TIMD4: variants seen among roughly 807,000 people sequenced by gnomAD.
TIMD4 encodes T cell immunoglobulin and mucin domain containing 4.
A neutral mutation model predicts 41.2 loss-of-function variants in TIMD4; 31 were observed. The ratio of observed to expected loss-of-function variants is 0.75; its 90% CI spans 0.57 to 1.01. TIMD4 has a LOEUF of 1.01. Among genes scored for constraint, TIMD4 ranks in the 50% least tolerant of loss-of-function variants. TIMD4 has a pLI of 0.00. For synonymous variants in TIMD4, 204 were observed against 177.1 expected, an observed-to-expected ratio of 1.15 and a Z score of -1.21; for missense variants, 479 against 472.5, an observed-to-expected ratio of 1.01 and a Z score of -0.13.
intron 5 of TIMD4, among the ~76,000 whole-genome samples, chr5:156,933,837 G>A (rs1759490432): frequency 6.6e-6 from 1 of 152,168 alleles, no homozygotes; most frequent in South Asian, 2.1e-4. Flanking sequence ...TGGGATTATA[G>A]GTGTGAGCCA....
chr5:156,949,133 T>C lies in TIMD4; in HGVS notation c.760+518A>G, dbSNP rs572280813. ...ATGCCAATCGTGTCTTATTTCAGGGTATACCCCGTCCCAGGCCCCAGTAAC... is the reference window on the plus strand; with the variant it reads ...ATGCCAATCGTGTCTTATTTCAGGGCATACCCCGTCCCAGGCCCCAGTAAC... On this transcript the variant is annotated intron_variant, in intron 4 of 8. Coordinates refer to ENST00000274532, the MANE Select transcript of TIMD4 (RefSeq NM_138379.3). Among the ~76,000 whole-genome samples the C allele has an allele frequency of 1.0e-3, 157 of 152,296 alleles. 1 individual carries two copies. The highest frequency in any genetic ancestry group is 3.7e-3 in the African/African-American group (152 of 41,556).
At chr5:156,932,622 G>A (rs1759462610) in intron 5 of TIMD4, among the ~76,000 whole-genome samples, 1 of 152,180 alleles carries the variant, frequency 6.6e-6, no homozygotes, top group Admixed American at 6.5e-5. Flanking sequence ...TGATCATTGG[G>A]GGACACTGGA....
chr5:156,931,847 G>T (rs1184287123), intron 5 of TIMD4, among the ~76,000 whole-genome samples: 1 of 147,504 alleles, frequency 6.8e-6, no homozygotes, highest in South Asian at 2.2e-4. Context: ...CCTTGGCTAA[G>T]ATACTTTCCT....
At chr5:156,957,813 G>A (rs1432724626) in intron 1 of TIMD4, among the ~76,000 whole-genome samples, 3 of 152,156 alleles carry the variant, frequency 2.0e-5, no homozygotes, top group Admixed American at 1.3e-4. Flanking sequence ...GGGCAACAAA[G>A]CAAGACTGCC....
At chr5:156,939,755 T>C (rs1759605475) in intron 5 of TIMD4, among the ~76,000 whole-genome samples, 1 of 152,224 alleles carries the variant, frequency 6.6e-6, no homozygotes, top group Non-Finnish European at 1.5e-5. Context: ...GACTCCTAAT[T>C]GCTAAATGGC....
At chr5:156,930,332 A>G (rs77350095) in intron 5 of TIMD4, among the ~76,000 whole-genome samples, 1 of 152,220 alleles carries the variant, frequency 6.6e-6, no homozygotes, top group South Asian at 2.1e-4. Context: ...AGTGAAAAAA[A>G]TGAGGCCCAT....
chr5:156,959,767 T>C lies in TIMD4; in HGVS notation c.58+3374A>G, dbSNP rs370291101. Among the ~76,000 whole-genome samples the C allele has an allele frequency of 1.4e-4, 22 of 152,314 alleles. No individual in the cohort carries two copies. In the East Asian group the frequency reaches 2.9e-3, roughly 20 times the overall value. The stretch of plus-strand genomic sequence containing the variant: ...AGAAAAGGCACATATAGGCCGGGTG[T>C]GGTGGCTCACACCTGTAATCCCAGC... On this transcript the variant is annotated intron_variant, in intron 1 of 8. Coordinates refer to ENST00000274532, the MANE Select transcript of TIMD4 (RefSeq NM_138379.3).
At chr5:156,923,865 T>TAA (rs1759298508) in intron 6 of TIMD4, among the ~76,000 whole-genome samples, 4 of 151,526 alleles carry the variant, frequency 2.6e-5, no homozygotes, top group African/African-American at 9.7e-5. Flanking sequence ...TGAGACAGGG[T>TAA]CTCTCTCTGT....
In TIMD4 at chr5:156,954,541, T is replaced by G; in HGVS notation, c.274A>C (p.Arg92=). The stretch of plus-strand genomic sequence containing the variant: ...AAGATGGTCAAGGAGACATCACCTC[T>G]CGGGATAGTCCCCTGAAGTCTATAT... ...AKYRLQGTIP[R]GDVSLTILNP... Residue 92 remains arginine, a synonymous_variant, in exon 2 of 9, where the codon AGA becomes CGA. Coordinates refer to ENST00000274532, the MANE Select transcript of TIMD4 (RefSeq NM_138379.3). 1 of 1,614,252 alleles carries G rather than the reference T, an allele frequency of 6.2e-7. No individual in the cohort carries two copies. The highest frequency in any genetic ancestry group is 8.5e-7 in the Non-Finnish European group (1 of 1,180,044).
At chr5:156,940,638 G>T (rs1240277166) in intron 5 of TIMD4, among the ~76,000 whole-genome samples, 1 of 150,288 alleles carries the variant, frequency 6.7e-6, no homozygotes, top group South Asian at 2.1e-4. Context: ...ATCTCTACCC[G>T]GCCACCACCC....
At chr5:156,944,169 G>T (rs1759696090) in intron 5 of TIMD4, among the ~76,000 whole-genome samples, 1 of 152,170 alleles carries the variant, frequency 6.6e-6, no homozygotes, top group Admixed American at 6.5e-5. Context: ...AATAGATTTG[G>T]GGGGAGTGGG....
chr5:156,954,840 TC>T, intron 1 of TIMD4, 84 bp from the exon 2 acceptor site: 1 of 1,137,232 alleles, frequency 8.8e-7, no homozygotes, highest in Non-Finnish European at 1.2e-6. Context: ...AATAGATGCT[TC>T]CAGGAAGATG....
intron 2 of TIMD4, among the ~76,000 whole-genome samples, chr5:156,953,625 G>C (rs1759905226): frequency 7.9e-6 from 1 of 127,036 alleles, no homozygotes; most frequent in Non-Finnish European, 1.5e-5. Context: ...CTGTACTCCA[G>C]CCTGGGCAAC....
At chr5:156,962,370 T>A (rs1753083010) in intron 1 of TIMD4, among the ~76,000 whole-genome samples, 1 of 151,616 alleles carries the variant, frequency 6.6e-6, no homozygotes, top group Non-Finnish European at 1.5e-5. Context: ...ATAACACATA[T>A]GTAGCCCATA....
chr5:156,954,179 A>G (rs1759918176), intron 2 of TIMD4, among the ~76,000 whole-genome samples: 1 of 152,238 alleles, frequency 6.6e-6, no homozygotes, highest in Admixed American at 6.5e-5. Flanking sequence ...GATACGTAGC[A>G]GCTGCCTTTT....
chr5:156,956,950 C>T (rs1299553240), intron 1 of TIMD4, among the ~76,000 whole-genome samples: 1 of 152,152 alleles, frequency 6.6e-6, no homozygotes, highest in Non-Finnish European at 1.5e-5. Context: ...GCATTCCTCT[C>T]TCTAGGAGAA....
chr5:156,931,691 G>A (rs1441909666), intron 5 of TIMD4, among the ~76,000 whole-genome samples: 3 of 152,146 alleles, frequency 2.0e-5, no homozygotes, highest in African/African-American at 7.2e-5. Context: ...GTAGGCATGG[G>A]CACTCTGGTA....
rs1304584973 is a variant in TIMD4 at position 156,927,618 on chromosome 5, A to AGTG, written c.845-1307_845-1306insCAC. 2.8e-4 allele frequency among the ~76,000 whole-genome samples: 42 copies of AGTG among 152,366 alleles called. No individual in the cohort carries two copies. The South Asian group carries it at 8.1e-3, about 29-fold the overall frequency. ...GAGTTGTCATCTAATTCCAGGTCTG[A>AGTG]AATTCAGAGCTAGTAAAACCAAAGA... On this transcript the variant is annotated intron_variant, in intron 5 of 8. Coordinates refer to ENST00000274532, the MANE Select transcript of TIMD4 (RefSeq NM_138379.3).
chr5:156,933,855 C>T (rs888397523), intron 5 of TIMD4, among the ~76,000 whole-genome samples: 2 of 152,162 alleles, frequency 1.3e-5, no homozygotes, highest in South Asian at 2.1e-4. Flanking sequence ...CCACCGTGCC[C>T]GGCCCTTTCT....
Sources: gnomAD v4.1 joint callset for allele counts (sites outside exome capture counted in the v4.1 genomes callset) on GRCh38, gnomAD v4.1.1 for gene constraint, MANE v1.5 for transcripts, NCBI Gene and HGNC (gene_info 2026-07-23, HGNC 2026-07-21) for gene names.